Variants in FBXO10 observed in about 807,000 individuals in gnomAD.
FBXO10 encodes the protein F-box only protein 10.
FBXO10 carries 39 observed loss-of-function variants against 80.7 expected under a neutral mutation model. The observed-to-expected ratio is 0.48, with a 90% CI of 0.37 to 0.63. The LOEUF is 0.63. Among genes scored for constraint, FBXO10 ranks in the 30% least tolerant of loss-of-function variants. The pLI is 0.00. For synonymous variants in FBXO10, 449 were observed against 489.6 expected, an observed-to-expected ratio of 0.92 and a Z score of 1.09; for missense variants, 1,025 against 1,269.0, an observed-to-expected ratio of 0.81 and a Z score of 2.92.
intron 1 of FBXO10, among the ~76,000 whole-genome samples, chr9:37,569,395 C>CAAA (rs35292200): frequency 9.7e-5 from 12 of 123,110 alleles, no homozygotes; most frequent in East Asian, 4.4e-4. Flanking sequence ...AGATATAAAG[C>CAAA]AAAAAAAAAA....
intron 1 of FBXO10, among the ~76,000 whole-genome samples, chr9:37,553,071 C>T (rs939688246): frequency 6.6e-6 from 1 of 151,582 alleles, no homozygotes; most frequent in African/African-American, 2.4e-5. Context: ...GAGATGGAGT[C>T]TCGCTCTGTC....
At chr9:37,519,897 A>G (rs777033003) in intron 8 of FBXO10, among the ~76,000 whole-genome samples, 24 of 136,942 alleles carry the variant, frequency 1.8e-4, no homozygotes, top group Admixed American at 5.3e-4. Context: ...AGCTCACTGC[A>G]ACCTCGAACT....
At chr9:37,556,779 A>G (rs1822347261) in intron 1 of FBXO10, among the ~76,000 whole-genome samples, 1 of 152,096 alleles carries the variant, frequency 6.6e-6, no homozygotes, top group Non-Finnish European at 1.5e-5. Flanking sequence ...TCCTGACATC[A>G]GGTGATCTGT....
Position 37,515,983 on chromosome 9 carries a change from TG to T in FBXO10, c.2616del (p.Ser873ValfsTer34). ...VQENIIFQGK[T>X]SKTIFQQISN... ...GAGATCTGCTGAAAGATGGTCTTAC[TG>T]GTTTTGCCCTGGAAGATGATGTTTT... On this transcript the variant is annotated frameshift_variant, in exon 10 of 11. Coordinates refer to ENST00000432825, the MANE Select transcript of FBXO10 (RefSeq NM_012166.3). LOFTEE classifies it high-confidence loss of function. 6.2e-7 allele frequency: 1 copy of T among 1,614,080 alleles called. No homozygotes were observed. The highest frequency in any genetic ancestry group is 8.5e-7 in the Non-Finnish European group (1 of 1,179,912).
At chr9:37,571,913 T>C (rs1248519909) in intron 1 of FBXO10, among the ~76,000 whole-genome samples, 1 of 151,018 alleles carries the variant, frequency 6.6e-6, no homozygotes, top group Non-Finnish European at 1.5e-5. Context: ...CATGGGAGAA[T>C]AGTTTGAGTC....
At chr9:37,537,026 T>A (rs1172662920) in intron 3 of FBXO10, 84 bp downstream of exon 3, 1 of 1,082,594 alleles carries the variant, frequency 9.2e-7, no homozygotes, top group Non-Finnish European at 1.3e-6. Flanking sequence ...AGAAAATTAT[T>A]TTTAAAATGC....
At chr9:37,542,593 T>C (rs1413635874) in intron 1 of FBXO10, among the ~76,000 whole-genome samples, 3 of 59,896 alleles carry the variant, frequency 5.0e-5, no homozygotes, top group South Asian at 8.5e-4. Context: ...CGAATCTCCA[T>C]CTCAAAAAAA....
At chr9:37,517,729 G>T (rs1821223235) in intron 9 of FBXO10, among the ~76,000 whole-genome samples, 1 of 152,160 alleles carries the variant, frequency 6.6e-6, no homozygotes, top group Admixed American at 6.5e-5. Flanking sequence ...GTATGCAAAG[G>T]CCCCAAGGCA....
intron 1 of FBXO10, chr9:37,575,409 T>C (rs1822868152): frequency 6.6e-6 from 1 of 152,244 alleles, no homozygotes; most frequent in South Asian, 2.1e-4. Context: ...GGGCAATCTC[T>C]AGCTTACTAA....
chr9:37,545,815 A>G lies in FBXO10; in HGVS notation c.-6-4041T>C, dbSNP rs180936860. On this transcript the variant is annotated intron_variant, in intron 1 of 10. Transcript: ENST00000432825. ...TGGACAAAATATATGAGGCAAGTGA[A>G]TATGTGTTTTCAGGCACTGAGCAGC... is the stretch of plus-strand genomic sequence containing the variant. 3.2e-3 allele frequency among the ~76,000 whole-genome samples: 493 copies of G among 152,308 alleles called. 4 individuals carry two copies. The highest frequency in any genetic ancestry group is 0.011 in the African/African-American group (461 of 41,576).
chr9:37,521,891 C>T, intron 7 of FBXO10, 53 bp from the exon 8 acceptor site: 1 of 1,494,494 alleles, frequency 6.7e-7, no homozygotes, highest in Non-Finnish European at 8.9e-7. Context: ...TGAAGCGGCA[C>T]CTGAGTCTCC....
At chr9:37,521,903 T>A in intron 7 of FBXO10, 65 bp from the exon 8 acceptor site, 1 of 1,477,312 alleles carries the variant, frequency 6.8e-7, no homozygotes, top group Non-Finnish European at 8.9e-7. Flanking sequence ...TGAGTCTCCC[T>A]GAGAGGGGAA....
intron 3 of FBXO10, among the ~76,000 whole-genome samples, chr9:37,536,710 ACG>A (rs1394730292): frequency 6.6e-6 from 1 of 152,100 alleles, no homozygotes; most frequent in East Asian, 1.9e-4. Flanking sequence ...CCCAGCACAG[ACG>A]TTTCCTCAAC....
intron 1 of FBXO10, among the ~76,000 whole-genome samples, chr9:37,542,658 C>T (rs746028875): frequency 6.7e-6 from 1 of 149,724 alleles, no homozygotes. Flanking sequence ...GTGGAGGAAA[C>T]CTTCTGGTAT....
chr9:37,531,150 T>C (rs1821612838), intron 4 of FBXO10, among the ~76,000 whole-genome samples: 1 of 152,256 alleles, frequency 6.6e-6, no homozygotes, highest in East Asian at 1.9e-4. Flanking sequence ...CAAGTAAATA[T>C]CTATGAAGTG....
chr9:37,522,296 A>G (rs1327813518), intron 7 of FBXO10: 2 of 950,012 alleles, frequency 2.1e-6, no homozygotes, highest in African/African-American at 3.5e-5. Context: ...TTCAGAAGGC[A>G]GTCATGAGGA....
intron 1 of FBXO10, among the ~76,000 whole-genome samples, chr9:37,570,236 C>T (rs987391886): frequency 7.9e-5 from 12 of 152,102 alleles, no homozygotes; most frequent in East Asian, 3.9e-4. Context: ...ATCCCTTGAA[C>T]CCGGGAGGTG....
At chr9:37,564,654 C>A (rs1822561384) in intron 1 of FBXO10, among the ~76,000 whole-genome samples, 1 of 152,208 alleles carries the variant, frequency 6.6e-6, no homozygotes, top group Admixed American at 6.5e-5. Flanking sequence ...TAATAACTAA[C>A]CTATTGGATT....
At chr9:37,544,519 GA>G (rs1342798547) in intron 1 of FBXO10, among the ~76,000 whole-genome samples, 1 of 152,182 alleles carries the variant, frequency 6.6e-6, no homozygotes, top group Non-Finnish European at 1.5e-5. Flanking sequence ...TCAATTTTAT[GA>G]AAATGCTAAT....
Sources: allele counts gnomAD v4.1 joint callset (sites outside exome capture counted in the v4.1 genomes callset), GRCh38; gene constraint gnomAD v4.1.1; transcripts MANE v1.5; gene names NCBI Gene and HGNC (gene_info 2026-07-23, HGNC 2026-07-21).